Variants in NR4A3 observed in about 807,000 individuals in gnomAD.
NR4A3 encodes the protein chondrosarcoma, extraskeletal myxoid, fused to EWS.
A neutral mutation model predicts 55.6 loss-of-function variants in NR4A3; 13 were observed. That is an observed-to-expected ratio of 0.23 (90% CI 0.15 to 0.37). The LOEUF (loss-of-function observed/expected upper bound fraction) is 0.37, where lower values mean the gene tolerates loss of function less well. NR4A3 is among the 10% of genes least tolerant of loss of function. NR4A3 has a pLI of 1.00. For missense variants in NR4A3, 646 were observed against 822.8 expected (o/e 0.79, Z 2.63); for synonymous variants, 342 against 357.9 (o/e 0.96, Z 0.50).
intron 7 of NR4A3, among the ~76,000 whole-genome samples, chr9:99,857,722 TCCAG>T (rs1357972879): frequency 6.6e-6 from 1 of 151,308 alleles, no homozygotes. Context: ...ATCACTGAAC[TCCAG>T]CCTGGCGACA....
intron 7 of NR4A3, among the ~76,000 whole-genome samples, chr9:99,848,165 C>G (rs887510454): frequency 6.6e-6 from 1 of 152,176 alleles, no homozygotes; most frequent in Non-Finnish European, 1.5e-5. Flanking sequence ...CCAGCCCATT[C>G]CTGTGGAGCA....
rs796183118 is a variant in NR4A3 at position 99,861,654 on chromosome 9, C to A, written c.1634-1966C>A. On this transcript the variant is annotated intron_variant, in intron 7 of 7. Coordinates refer to ENST00000395097, the MANE Select transcript of NR4A3 (RefSeq NM_006981.4). ...ACTTCCCCAAATCATACACAACTAG[C>A]CAAACTGAGGATAATGCAAATTTTC... Among the ~76,000 whole-genome samples, 10 of 152,274 alleles carry A rather than the reference C, an allele frequency of 6.6e-5. No homozygotes were observed. The East Asian group carries it at 1.7e-3, about 26-fold the overall frequency.
At position 99,825,044 on chromosome 9, in the gene NR4A3, T is replaced by C. The variant is rs959633324; in HGVS notation, c.-176-615T>C. ...CTCATCGCTGTGCCCTTTTGTTTGC[T>C]TGACCCCTGGCCCTCGAAACTCGCG... On this transcript the variant is annotated intron_variant, in intron 1 of 7. Coordinates refer to ENST00000395097, the MANE Select transcript of NR4A3 (RefSeq NM_006981.4). This position sits in a 1 kb window ranked among gnomAD's most constrained non-coding sequence, Gnocchi z 5.0. Among the ~76,000 whole-genome samples, 1 of 152,230 alleles carries C rather than the reference T, an allele frequency of 6.6e-6. No homozygotes were observed. The highest frequency in any genetic ancestry group is 2.4e-5 in the African/African-American group (1 of 41,468).
chr9:99,852,401 T>C (rs1177580292), intron 7 of NR4A3, among the ~76,000 whole-genome samples: 1 of 152,216 alleles, frequency 6.6e-6, no homozygotes, highest in Non-Finnish European at 1.5e-5. Flanking sequence ...CTGTAGGTCA[T>C]GGTTTCTCTG....
intron 7 of NR4A3, among the ~76,000 whole-genome samples, chr9:99,853,502 C>G (rs1827889399): frequency 1.1e-5 from 1 of 92,402 alleles, no homozygotes; most frequent in Admixed American, 1.2e-4. Context: ...CCACAGTCCC[C>G]AGAGTGTGAT....
At chr9:99,863,231 T>C (rs1364710586) in intron 7 of NR4A3, among the ~76,000 whole-genome samples, 1 of 152,348 alleles carries the variant, frequency 6.6e-6, no homozygotes, top group Non-Finnish European at 1.5e-5. Flanking sequence ...CTTAGTAGGA[T>C]AATGTATGCA....
intron 7 of NR4A3, among the ~76,000 whole-genome samples, chr9:99,857,234 A>T (rs1244356105): frequency 6.6e-6 from 1 of 152,156 alleles, no homozygotes; most frequent in African/African-American, 2.4e-5. Flanking sequence ...AGAGATGATT[A>T]TAAGAGTGAT....
chr9:99,833,186 T>G (rs1022437142), intron 4 of NR4A3, 96 bp from the exon 5 acceptor site: 4 of 1,441,832 alleles, frequency 2.8e-6, no homozygotes, highest in South Asian at 1.4e-5. Flanking sequence ...CATTAATGAT[T>G]GCTCAACTGT....
At chr9:99,826,681 T>TA in intron 2 of NR4A3, 1 of 1,167,806 alleles carries the variant, frequency 8.6e-7, no homozygotes, top group South Asian at 1.3e-5. Flanking sequence ...CCCTGCTTGT[T>TA]AAAGAAAGGC....
In NR4A3 at chr9:99,828,222, C is replaced by A; in HGVS notation, c.180C>A (p.Thr60=). Residue 60 remains threonine (T), a synonymous_variant, in exon 3 of 8, where the codon ACC becomes ACA. Coordinates refer to ENST00000395097, the MANE Select transcript of NR4A3 (RefSeq NM_006981.4). The surrounding 1 kb of genome is among the most constrained non-coding windows in gnomAD (Gnocchi z 7.7). ...CCACGTCCCTGCCCAGCATCAGTAC[C>A]TTCGTGGAGGGCTACTCGAGCAACT... ...TATTSLPSIS[T]FVEGYSSNYE... is the part of the protein sequence containing the mutation. The A allele has an allele frequency of 3.7e-6, 6 of 1,614,032 alleles. No homozygotes were observed. Among genetic ancestry groups the A allele is most frequent in the Non-Finnish European group, 5.1e-6 (6 of 1,179,996 alleles).
chr9:99,850,319 G>A (rs888093603), intron 7 of NR4A3, among the ~76,000 whole-genome samples: 7 of 152,208 alleles, frequency 4.6e-5, no homozygotes, highest in African/African-American at 1.7e-4. Context: ...CCAGGTGTGA[G>A]AGCCATGATT....
chr9:99,824,601 C>T (rs945435147), intron 1 of NR4A3, among the ~76,000 whole-genome samples: 2 of 152,218 alleles, frequency 1.3e-5, no homozygotes, highest in African/African-American at 4.8e-5. Context: ...TTCCTGCAGG[C>T]AAGCCCCGGG....
intron 5 of NR4A3, among the ~76,000 whole-genome samples, chr9:99,840,450 T>A (rs1296216612): frequency 1.3e-5 from 2 of 152,216 alleles, no homozygotes; most frequent in African/African-American, 4.8e-5. Context: ...AGCTGTCAGA[T>A]CCATTCTCAG....
chr9:99,864,510 T>G lies in NR4A3; in HGVS notation c.*643T>G, dbSNP rs1828059975. On this transcript the variant is annotated 3_prime_UTR_variant, in exon 8 of 8. Transcript: ENST00000395097. ...AAGTGCTGTCTTACTAAGTCTTGTT[T>G]ATTAACTCTCCTTTATTCTATATGG... The G allele has an allele frequency of 4.4e-6, 1 of 227,818 alleles. No individual in the cohort carries two copies. Among genetic ancestry groups the G allele is most frequent in the Admixed American group, 5.7e-5 (1 of 17,652 alleles). 14.1% of individuals were successfully genotyped at this position (227,818 alleles called of 1,614,324 possible).
intron 5 of NR4A3, among the ~76,000 whole-genome samples, chr9:99,839,354 A>G (rs1564033403): frequency 6.6e-6 from 1 of 152,212 alleles, no homozygotes; most frequent in Non-Finnish European, 1.5e-5. Context: ...GGGGAGAAAA[A>G]CGTGTCCTTA....
intron 7 of NR4A3, among the ~76,000 whole-genome samples, chr9:99,853,507 T>G (rs1332049987): frequency 2.2e-5 from 2 of 92,176 alleles, no homozygotes; most frequent in Non-Finnish European, 4.3e-5. Context: ...GTCCCCAGAG[T>G]GTGATATTCC....
rs191744853 is a variant in NR4A3 at position 99,864,275 on chromosome 9, G to A, written c.*408G>A. The A allele has an allele frequency of 1.6e-5, 4 of 244,146 alleles. No homozygotes were observed. The highest frequency in any genetic ancestry group is 6.0e-5 in the East Asian group (1 of 16,794). 15.1% of individuals were successfully genotyped at this position (244,146 alleles called of 1,614,324 possible). On this transcript the variant is annotated 3_prime_UTR_variant, in exon 8 of 8. Coordinates refer to ENST00000395097, the MANE Select transcript of NR4A3 (RefSeq NM_006981.4). Reference sequence around the variant, plus strand: ...AAACAAGAACAGCCAAGGGTTGTTCGCCAGGGTAGGATGTGTCTTAAAGAT... The same window carrying A: ...AAACAAGAACAGCCAAGGGTTGTTCACCAGGGTAGGATGTGTCTTAAAGAT...
chr9:99,846,440 C>T (rs1320274499), intron 6 of NR4A3, among the ~76,000 whole-genome samples: 3 of 152,166 alleles, frequency 2.0e-5, no homozygotes, highest in African/African-American at 7.2e-5. Flanking sequence ...CCCAAGTCAT[C>T]ATGTCCACCT....
At chr9:99,852,114 G>C (rs1402813898) in intron 7 of NR4A3, among the ~76,000 whole-genome samples, 6 of 152,106 alleles carry the variant, frequency 3.9e-5, no homozygotes, top group Admixed American at 1.3e-4. Flanking sequence ...ACTTTTTTGA[G>C]GTGAAGGAAG....
Sources: gnomAD v4.1 joint callset for allele counts (sites outside exome capture counted in the v4.1 genomes callset) on GRCh38, gnomAD v4.1.1 for gene constraint, Gnocchi (gnomAD v3.1) non-coding constraint, MANE v1.5 for transcripts, NCBI Gene and HGNC (gene_info 2026-07-23, HGNC 2026-07-21) for gene names.